COL5A1: variants seen among roughly 807,000 people sequenced by gnomAD.
COL5A1 encodes collagen type V alpha 1 chain, also known as collagen alpha-1(V) chain.
Under a neutral mutation model 263.7 loss-of-function variants are expected in COL5A1, and 16 were observed. That is an observed-to-expected ratio of 0.06 (90% CI 0.04 to 0.09). The LOEUF (loss-of-function observed/expected upper bound fraction) is 0.09, where lower values mean the gene tolerates loss of function less well. Among genes scored for constraint, COL5A1 ranks in the 10% least tolerant of loss-of-function variants. The pLI, the probability that COL5A1 is intolerant of heterozygous loss-of-function variation, is 1.00. For missense variants in COL5A1, 2,036 were observed against 2,540.5 expected, an observed-to-expected ratio of 0.80 and a Z score of 4.27; for synonymous variants, 1,012 against 1,004.5, an observed-to-expected ratio of 1.01 and a Z score of -0.14.
At chr9:134,697,595 G>C (rs1175531788) in intron 2 of COL5A1, among the ~76,000 whole-genome samples, 1 of 152,160 alleles carries the variant, frequency 6.6e-6, no homozygotes, top group Non-Finnish European at 1.5e-5. Flanking sequence ...CCTGGGTGTG[G>C]ACGGGGACCT....
At chr9:134,809,093 C>A (rs545754847) in intron 42 of COL5A1, 90 bp from the exon 43 acceptor site, 8 of 1,141,310 alleles carry the variant, frequency 7.0e-6, no homozygotes, top group Non-Finnish European at 9.0e-6. Flanking sequence ...CCACTTCCTG[C>A]CAGCGGATCC....
rs561243973 is a variant in COL5A1, at chr9:134,767,090, G to A, written c.2187+37G>A. On this transcript the variant is annotated intron_variant, in intron 23 of 65. Coordinates refer to ENST00000371817, the MANE Select transcript of COL5A1 (RefSeq NM_000093.5). ...TGAGAGAGGCAGCTCGCAGGGATCC[G>A]GCCGTGGGAGGCACACGTCTCCAGT... The A allele has an allele frequency of 1.4e-5, 23 of 1,604,596 alleles. No homozygotes were observed. In the East Asian group the frequency reaches 1.6e-4, roughly 11 times the overall value.
Position 134,782,680 on chromosome 9 carries a change from T to C in COL5A1, c.2444T>C (p.Phe815Ser), listed in dbSNP as rs1196907557. 6.2e-7 allele frequency: 1 copy of C among 1,613,868 alleles called. No homozygotes were observed. Among genetic ancestry groups the C allele is most frequent in the African/African-American group, 1.3e-5 (1 of 74,912 alleles). The part of the protein sequence containing the change: ...GTKGEKGEDG[F>S]PGFKGDMGIK... Reference sequence around the variant, plus strand: ...TCCCATATTCAGGGTGAAGACGGCTTTCCTGGGTTTAAAGGAGACATGGGC... The same window carrying C: ...TCCCATATTCAGGGTGAAGACGGCTCTCCTGGGTTTAAAGGAGACATGGGC... The change falls in exon 29 of 66, where the codon TTT becomes TCT. Residue 815 changes from phenylalanine (F) to serine (S), a missense_variant. Around this residue, in one of 3 missense-constraint regions of COL5A1, gnomAD observed 1,078 missense variants for 1,521.4 expected, o/e 0.71. Transcript: ENST00000371817.
At chr9:134,819,214 C>T (rs969466539) in intron 57 of COL5A1, among the ~76,000 whole-genome samples, 161 bp downstream of exon 57, 2 of 152,202 alleles carry the variant, frequency 1.3e-5, no homozygotes, top group African/African-American at 4.8e-5. Flanking sequence ...GGAAAATAGA[C>T]ACGCTGTGTT....
In COL5A1 at chr9:134,817,836, C is replaced by A. The variant is rs142248898; in HGVS notation, c.4230+5C>A. ...CAGGGAGAGAAAGGGGCCAAGGTAA[C>A]GTGTTTTGGAGCCAGGCTGTGACCG... On this transcript the variant is annotated splice_donor_5th_base_variant and intron_variant, in intron 54 of 65. Transcript: ENST00000371817. The A allele has an allele frequency of 6.2e-7, 1 of 1,603,076 alleles. No individual in the cohort carries two copies. The highest frequency in any genetic ancestry group is 8.5e-7 in the Non-Finnish European group (1 of 1,174,746).
At position 134,652,723 on chromosome 9, in the gene COL5A1, T is replaced by C; in HGVS notation, c.109+10427T>C. Reference sequence around the variant, plus strand: ...GTGGCCTCACCCCATGGTCTTCTCATGGCTCATTGTCAGACAGGAGGGAGG... The same window carrying C: ...GTGGCCTCACCCCATGGTCTTCTCACGGCTCATTGTCAGACAGGAGGGAGG... On this transcript the variant is annotated intron_variant, in intron 1 of 65. Coordinates refer to ENST00000371817, the MANE Select transcript of COL5A1 (RefSeq NM_000093.5). This position sits in a 1 kb window ranked among gnomAD's most constrained non-coding sequence, Gnocchi z 4.4. The C allele has an allele frequency of 2.1e-6, 1 of 470,886 alleles. No homozygotes were observed. Among genetic ancestry groups the C allele is most frequent in the Non-Finnish European group, 4.4e-6 (1 of 226,954 alleles). 29.2% of individuals were successfully genotyped at this position (470,886 alleles called of 1,614,324 possible).
At chr9:134,644,743 A>G (rs1831421415) in intron 1 of COL5A1, among the ~76,000 whole-genome samples, 1 of 152,208 alleles carries the variant, frequency 6.6e-6, no homozygotes, top group South Asian at 2.1e-4. Flanking sequence ...GGGCTGCTGA[A>G]CAGTGTAACG....
Position 134,716,452 on chromosome 9 carries a change from GA to G in COL5A1, c.655-10811del, listed in dbSNP as rs145543496. ...ACAGTGTCTGCAGGCCCGCTGCTCC[GA>G]AAGTCAAGATGTGGAGAAGGAGCAG... On this transcript the variant is annotated intron_variant, in intron 4 of 65. Coordinates refer to ENST00000371817, the MANE Select transcript of COL5A1 (RefSeq NM_000093.5). The surrounding 1 kb of genome is among the most constrained non-coding windows in gnomAD (Gnocchi z 4.5). Among the ~76,000 whole-genome samples, 7,594 of 152,202 alleles carry G rather than the reference GA, an allele frequency of 0.05. 464 individuals are homozygous for G. The highest frequency in any genetic ancestry group is 0.14 in the African/African-American group (5,713 of 41,482).
At chr9:134,804,696 C>T (rs573445761) in intron 39 of COL5A1, among the ~76,000 whole-genome samples, 9 of 152,178 alleles carry the variant, frequency 5.9e-5, no homozygotes, top group East Asian at 3.9e-4. Context: ...AGTCCAGTCA[C>T]GACTCTGAAA....
intron 4 of COL5A1, among the ~76,000 whole-genome samples, chr9:134,710,213 A>G (rs1234687960): frequency 6.6e-6 from 1 of 152,152 alleles, no homozygotes; most frequent in African/African-American, 2.4e-5. Flanking sequence ...CCCCGTGCTC[A>G]CTCAGCGTGG....
At chr9:134,772,965 G>T in intron 26 of COL5A1, 131 bp downstream of exon 26, 1 of 973,604 alleles carries the variant, frequency 1.0e-6, no homozygotes, top group Non-Finnish European at 1.6e-6. Context: ...CCCTTCCTCA[G>T]GTGTCTCCGC....
chr9:134,842,342 C>T lies in COL5A1; in HGVS notation c.*39C>T, dbSNP rs1265535148. 1 of 1,612,064 alleles carries T rather than the reference C, an allele frequency of 6.2e-7. No homozygotes were observed. The highest frequency in any genetic ancestry group is 8.5e-7 in the Non-Finnish European group (1 of 1,179,298). ...CGGGCTCCCGAGAGCAACCTCGTGA[C>T]CTCAGCATGCCATTCGTTCGTGAGT... On this transcript the variant is annotated 3_prime_UTR_variant, in exon 66 of 66. Transcript: ENST00000371817. The surrounding 1 kb of genome is among the most constrained non-coding windows in gnomAD (Gnocchi z 5.8).
At chr9:134,706,312 C>T (rs1414591536) in intron 4 of COL5A1, among the ~76,000 whole-genome samples, 2 of 152,180 alleles carry the variant, frequency 1.3e-5, no homozygotes, top group South Asian at 2.1e-4. Context: ...CCAGGACCAC[C>T]GTGCAGGAAG....
At chr9:134,660,882 G>C (rs1425175683) in intron 1 of COL5A1, among the ~76,000 whole-genome samples, 4 of 152,190 alleles carry the variant, frequency 2.6e-5, no homozygotes, top group Non-Finnish European at 5.9e-5. Flanking sequence ...CTCAGTGAAT[G>C]GTCACTGGGT....
At chr9:134,839,316 C>T (rs372501204) in intron 65 of COL5A1, among the ~76,000 whole-genome samples, 12 of 152,176 alleles carry the variant, frequency 7.9e-5, no homozygotes, top group South Asian at 2.1e-4. Context: ...CCTGGAATAA[C>T]GGGGTAACAG....
chr9:134,793,022 G>A (rs546102756), intron 32 of COL5A1, among the ~76,000 whole-genome samples: 1 of 152,262 alleles, frequency 6.6e-6, no homozygotes, highest in Admixed American at 6.5e-5. Flanking sequence ...TTGGTTCTGT[G>A]GACCTTGACT....
intron 2 of COL5A1, among the ~76,000 whole-genome samples, chr9:134,697,750 A>G (rs1184851112): frequency 6.6e-6 from 1 of 152,102 alleles, no homozygotes; most frequent in Non-Finnish European, 1.5e-5. Context: ...CCCTTGCCAT[A>G]GGTGGGACCA....
intron 65 of COL5A1, among the ~76,000 whole-genome samples, chr9:134,838,413 C>T (rs1422782522): frequency 2.0e-5 from 3 of 152,332 alleles, no homozygotes; most frequent in South Asian, 4.1e-4. Flanking sequence ...TCCTGTCTCC[C>T]ATGGAACCCA....
intron 25 of COL5A1, among the ~76,000 whole-genome samples, chr9:134,771,349 C>G (rs946052456): frequency 5.3e-5 from 8 of 152,242 alleles, no homozygotes; most frequent in African/African-American, 1.9e-4. Context: ...CAGGTCCAGC[C>G]CGGCCACTCT....
Sources: gnomAD v4.1 joint callset for allele counts (sites outside exome capture counted in the v4.1 genomes callset) on GRCh38, gnomAD v4.1.1 for gene constraint, gnomAD v4.1.1 regional missense constraint, Gnocchi (gnomAD v3.1) non-coding constraint, MANE v1.5 for transcripts, NCBI Gene and HGNC (gene_info 2026-07-23, HGNC 2026-07-21) for gene names.